Variants in SUGCT observed in about 807,000 individuals in gnomAD.
SUGCT encodes succinyl-CoA:glutarate CoA-transferase.
Under a neutral mutation model 55.0 loss-of-function variants are expected in SUGCT, and 41 were observed. The observed-to-expected ratio is 0.74, with a 90% CI of 0.58 to 0.97. SUGCT has a LOEUF of 0.97. SUGCT is among the 50% of genes least tolerant of loss of function. The probability of loss-of-function intolerance (pLI) is 0.00; values close to 1 mark genes in which losing one functional copy is unlikely to be tolerated. For missense variants in SUGCT, 568 were observed against 547.8 expected (o/e 1.04, Z -0.37); for synonymous variants, 187 against 200.4 (o/e 0.93, Z 0.56).
At chr7:40,508,719 AT>A (rs1792753967) in intron 12 of SUGCT, among the ~76,000 whole-genome samples, 1 of 152,032 alleles carries the variant, frequency 6.6e-6, no homozygotes, top group South Asian at 2.1e-4. Flanking sequence ...TAAAAAAAAA[AT>A]TTTCACCAGA....
At chr7:40,937,060 T>G in the SUGCT span, among the ~76,000 whole-genome samples, 1 of 152,234 alleles carries the variant, frequency 6.6e-6, no homozygotes, top group African/African-American at 2.4e-5. Context: ...AAGAATAATA[T>G]GTATTCTGCT....
At chr7:40,658,462 A>T (rs1801135715) in intron 12 of SUGCT, among the ~76,000 whole-genome samples, 2 of 152,152 alleles carry the variant, frequency 1.3e-5, no homozygotes, top group South Asian at 4.1e-4. Flanking sequence ...TAAGGGGCAG[A>T]TCTGTCCTGG....
At chr7:40,135,190 A>G in intron 1 of SUGCT, 70 bp downstream of exon 1, 1 of 1,479,728 alleles carries the variant, frequency 6.8e-7, no homozygotes, top group Non-Finnish European at 9.0e-7. Flanking sequence ...GGGCGCCCTG[A>G]GGAGAGCAAT....
intron 1 of SUGCT, among the ~76,000 whole-genome samples, chr7:40,136,424 T>C (rs1003502133): frequency 4.6e-5 from 7 of 152,236 alleles, no homozygotes; most frequent in African/African-American, 1.7e-4. Flanking sequence ...ACATGTTCTG[T>C]GACATCCCAA....
intron 12 of SUGCT, among the ~76,000 whole-genome samples, chr7:40,601,866 C>G (rs1798310163): frequency 6.6e-6 from 1 of 151,994 alleles, no homozygotes; most frequent in African/African-American, 2.4e-5. Context: ...TCTAACCCTT[C>G]AAATAAGATC....
At chr7:40,267,399 T>C (rs545385442) in intron 7 of SUGCT, among the ~76,000 whole-genome samples, 1 of 152,358 alleles carries the variant, frequency 6.6e-6, no homozygotes, top group South Asian at 2.1e-4. Context: ...AATAAAATAT[T>C]ACTTGATGTT....
At chr7:41,026,254 G>T in the SUGCT span, among the ~76,000 whole-genome samples, 1 of 152,184 alleles carries the variant, frequency 6.6e-6, no homozygotes, top group Non-Finnish European at 1.5e-5. Flanking sequence ...CCACCGAATG[G>T]TGATGGTCCT....
chr7:40,624,493 T>G (rs1799422322), intron 12 of SUGCT, among the ~76,000 whole-genome samples: 1 of 152,126 alleles, frequency 6.6e-6, no homozygotes, highest in Non-Finnish European at 1.5e-5. Context: ...TATTAATAGA[T>G]GAAGAATGAA....
At chr7:40,870,993 G>A in the SUGCT span, among the ~76,000 whole-genome samples, 1 of 151,988 alleles carries the variant, frequency 6.6e-6, no homozygotes, top group Admixed American at 6.6e-5. Flanking sequence ...AGATGTTCAG[G>A]ATCATGTTGT....
rs73318595 is a variant in SUGCT, at chr7:40,292,784, T to A, written c.720+18128T>A. Among the ~76,000 whole-genome samples, 936 of 152,332 alleles carry A rather than the reference T, an allele frequency of 6.1e-3. 6 individuals carry two copies. Among genetic ancestry groups the A allele is most frequent in the African/African-American group, 0.021 (882 of 41,576 alleles). On this transcript the variant is annotated intron_variant, in intron 8 of 13. Transcript: ENST00000335693. The stretch of plus-strand genomic sequence containing the variant: ...TGCACTATCTTATCTTGTAAGCCCC[T>A]GAGGGAAAATCAGGTGCATCCATCT...
In SUGCT at chr7:40,237,581, G is replaced by C. The variant is rs371456616; in HGVS notation, c.485-54G>C. ...TGTTTCTAACACACTATATTGTACA[G>C]TGGTTTTAGCACACCCTGTGTGGTG... On this transcript the variant is annotated intron_variant, in intron 6 of 13. Coordinates refer to ENST00000335693, the MANE Select transcript of SUGCT (RefSeq NM_001193313.2). The C allele has an allele frequency of 7.7e-4, 1,012 of 1,321,884 alleles. 4 individuals are homozygous for C. The highest frequency in any genetic ancestry group is 6.5e-4 in the Non-Finnish European group (596 of 913,504). 81.9% of individuals were successfully genotyped at this position (1,321,884 alleles called of 1,614,324 possible). A position where few individuals can be genotyped will look rare whatever the true frequency, so the allele number is the denominator to read the frequency against.
intron 12 of SUGCT, among the ~76,000 whole-genome samples, chr7:40,558,075 C>A (rs1321073799): frequency 6.6e-6 from 1 of 150,932 alleles, no homozygotes; most frequent in Non-Finnish European, 1.5e-5. Context: ...CTACTTCACA[C>A]TCATTGGGAT....
At chr7:40,640,463 T>G (rs1800220804) in intron 12 of SUGCT, among the ~76,000 whole-genome samples, 1 of 152,242 alleles carries the variant, frequency 6.6e-6, no homozygotes, top group African/African-American at 2.4e-5. Flanking sequence ...GTGTTTTTAC[T>G]TGGCTGCTGT....
Position 40,297,955 on chromosome 7 carries a change from T to G in SUGCT, c.721-18805T>G, listed in dbSNP as rs1794267709. Among the ~76,000 whole-genome samples the G allele has an allele frequency of 2.0e-5, 3 of 152,102 alleles. 1 individual carries two copies. In the South Asian group the frequency reaches 6.2e-4, roughly 32 times the overall value. ...ACATGATATTGTTTTCCTCCTTCTG[T>G]TTTTTAAACATAGCCTTTTTTTTTG... is the stretch of plus-strand genomic sequence containing the variant. On this transcript the variant is annotated intron_variant, in intron 8 of 13. Transcript: ENST00000335693.
chr7:40,834,546 A>C (rs7809237), intron 13 of SUGCT, among the ~76,000 whole-genome samples: 53,862 of 152,042 alleles, frequency 0.35, 10,384 homozygotes, highest in East Asian at 0.82. Flanking sequence ...CTAAAAGTCA[A>C]CTTGTGATTT....
the SUGCT span, among the ~76,000 whole-genome samples, chr7:40,891,532 C>A: frequency 6.6e-6 from 1 of 152,056 alleles, no homozygotes; most frequent in Non-Finnish European, 1.5e-5. Context: ...AAAAAAAGAA[C>A]AAAAACTGCC....
At chr7:40,900,333 G>C in the SUGCT span, among the ~76,000 whole-genome samples, 2 of 152,114 alleles carry the variant, frequency 1.3e-5, no homozygotes, top group African/African-American at 4.8e-5. Flanking sequence ...CTGACTTCCC[G>C]GCAATGTTTC....
chr7:40,839,304 A>C (rs1410670947), intron 13 of SUGCT, among the ~76,000 whole-genome samples: 2 of 152,112 alleles, frequency 1.3e-5, no homozygotes, highest in Non-Finnish European at 2.9e-5. Flanking sequence ...GTGTACTGGC[A>C]CAATCATAGC....
intron 7 of SUGCT, among the ~76,000 whole-genome samples, chr7:40,247,564 T>A (rs1789983203): frequency 6.6e-6 from 1 of 152,168 alleles, no homozygotes; most frequent in African/African-American, 2.4e-5. Flanking sequence ...GGCCAGTCTT[T>A]TAAATTTTAG....
Sources: allele counts gnomAD v4.1 joint callset (sites outside exome capture counted in the v4.1 genomes callset), GRCh38; gene constraint gnomAD v4.1.1; transcripts MANE v1.5; gene names NCBI Gene and HGNC (gene_info 2026-07-23, HGNC 2026-07-21).